Variants in FAAH2 observed in about 807,000 individuals in gnomAD.
FAAH2 encodes the protein fatty acid amide hydrolase 2, also known as fatty-acid amide hydrolase 2.
FAAH2 carries 60 observed loss-of-function variants against 36.9 expected under a neutral mutation model. That is an observed-to-expected ratio of 1.63 (90% CI 1.32 to 2.02). FAAH2 has a LOEUF of 2.02. FAAH2 is among the 30% of genes most tolerant of loss of function. The probability of loss-of-function intolerance (pLI) is 0.00; values close to 1 mark genes in which losing one functional copy is unlikely to be tolerated. For missense variants in FAAH2, 689 were observed against 397.5 expected, an observed-to-expected ratio of 1.73 and a Z score of -6.23; for synonymous variants, 214 against 143.8, an observed-to-expected ratio of 1.49 and a Z score of -3.49.
the FAAH2 span, among the ~76,000 whole-genome samples, chrX:57,168,446 A>T: frequency 8.9e-6 from 1 of 111,812 alleles, no homozygotes; most frequent in African/African-American, 3.3e-5. Context: ...ATCTGTACTT[A>T]TTTAAAGCTA....
At chrX:57,438,777 G>A (rs12861164) in intron 8 of FAAH2, among the ~76,000 whole-genome samples, 1 of 85,613 alleles carries the variant, frequency 1.2e-5, no homozygotes, top group South Asian at 6.4e-4. Context: ...ACAGTCCCCA[G>A]AGTGTGATGT....
At position 57,432,453 on chromosome X, in the gene FAAH2, G is replaced by A. The variant is rs746043188; in HGVS notation, c.1116+416G>A. On this transcript the variant is annotated intron_variant, in intron 8 of 10. Transcript: ENST00000374900. ...CATGTAGGTTTCAATAAAGCCTTAA[G>A]TGATTAGGTAACTTCAGTTGTCAAG... Among the ~76,000 whole-genome samples, 4 of 111,726 alleles carry A rather than the reference G, an allele frequency of 3.6e-5. No homozygotes were observed. In the East Asian group the frequency reaches 1.1e-3, roughly 31 times the overall value.
At chrX:57,486,181 C>G (rs758523193) in intron 10 of FAAH2, among the ~76,000 whole-genome samples, 1 of 112,079 alleles carries the variant, frequency 8.9e-6, no homozygotes, top group Non-Finnish European at 1.9e-5. Flanking sequence ...TGTGCTGGTG[C>G]TCTTAGGCTC....
At chrX:57,345,431 T>C (rs141530577) in intron 5 of FAAH2, among the ~76,000 whole-genome samples, 305 of 111,363 alleles carry the variant, frequency 2.7e-3, no homozygotes, top group African/African-American at 9.3e-3. Context: ...CATAGAGGTG[T>C]TCATAAAAAC....
At chrX:57,483,013 C>G in intron 10 of FAAH2, among the ~76,000 whole-genome samples, 1 of 110,339 alleles carries the variant, frequency 9.1e-6, no homozygotes, top group East Asian at 2.8e-4. Context: ...TAAATAATAT[C>G]TCACAGGTGT....
At chrX:57,150,236 G>A in the FAAH2 span, among the ~76,000 whole-genome samples, 2 of 112,082 alleles carry the variant, frequency 1.8e-5, no homozygotes, top group Non-Finnish European at 3.8e-5. Flanking sequence ...TGTATATTCT[G>A]TTGATTTGGG....
chrX:57,395,487 T>C, intron 7 of FAAH2: 1 of 426,419 alleles, frequency 2.3e-6, no homozygotes, highest in East Asian at 4.7e-5. Context: ...TTTAACCTTA[T>C]CCTCATTCAG....
chrX:57,203,791 G>A, the FAAH2 span, among the ~76,000 whole-genome samples: 1 of 112,005 alleles, frequency 8.9e-6, no homozygotes, highest in Non-Finnish European at 1.9e-5. Context: ...TTAAATATTT[G>A]TTCTTTTAAT....
chrX:57,263,897 T>C, the FAAH2 span, among the ~76,000 whole-genome samples: 1 of 111,722 alleles, frequency 9.0e-6, no homozygotes, highest in South Asian at 3.7e-4. Context: ...CACATATAGA[T>C]ATGCCAAATT....
At chrX:57,353,494 A>AAAAG (rs1555980721) in intron 5 of FAAH2, among the ~76,000 whole-genome samples, 1 of 106,613 alleles carries the variant, frequency 9.4e-6, no homozygotes, top group Admixed American at 1.0e-4. Context: ...TATTAAAAAA[A>AAAAG]AAAAAAGAAA....
At chrX:57,385,850 G>C (rs945167452) in intron 7 of FAAH2, among the ~76,000 whole-genome samples, 47 of 108,516 alleles carry the variant, frequency 4.3e-4, no homozygotes, top group East Asian at 2.9e-4. Context: ...GGAGCTTGCA[G>C]TGAGTGAAGA....
intron 7 of FAAH2, chrX:57,392,959 C>G (rs1215542437): frequency 1.1e-6 from 1 of 918,690 alleles, no homozygotes; most frequent in Non-Finnish European, 1.6e-6. Flanking sequence ...ATCTTCTGTG[C>G]AATGATCCTG....
chrX:57,175,861 T>C, the FAAH2 span, among the ~76,000 whole-genome samples: 3 of 112,092 alleles, frequency 2.7e-5, no homozygotes, highest in Non-Finnish European at 5.6e-5. Flanking sequence ...AATTCTCAGG[T>C]GACACTTATT....
chrX:57,385,336 G>A (rs976164744), intron 7 of FAAH2, among the ~76,000 whole-genome samples: 8 of 109,603 alleles, frequency 7.3e-5, no homozygotes, highest in African/African-American at 2.7e-4. Flanking sequence ...GGTAAAAGAT[G>A]GCTTTTATAT....
chrX:57,332,160 G>A (rs958262006), intron 4 of FAAH2, among the ~76,000 whole-genome samples: 6 of 112,585 alleles, frequency 5.3e-5, no homozygotes, highest in African/African-American at 1.9e-4. Context: ...ATGTGGGTTA[G>A]CAAAATATGA....
At chrX:57,416,650 G>T (rs1380632594) in intron 7 of FAAH2, among the ~76,000 whole-genome samples, 3 of 111,723 alleles carry the variant, frequency 2.7e-5, no homozygotes, top group African/African-American at 6.5e-5. Flanking sequence ...CTCTCTGGCT[G>T]CCCTTAACAT....
At chrX:57,259,116 T>C in the FAAH2 span, among the ~76,000 whole-genome samples, 1 of 111,455 alleles carries the variant, frequency 9.0e-6, no homozygotes, top group East Asian at 2.8e-4. Context: ...GGTGAAAATG[T>C]AGTGAAAACA....
the FAAH2 span, among the ~76,000 whole-genome samples, chrX:57,281,408 A>G: frequency 8.9e-6 from 1 of 111,933 alleles, no homozygotes; most frequent in Non-Finnish European, 1.9e-5. Flanking sequence ...TACTTTAAGC[A>G]CAAGTTTATA....
chrX:57,400,541 C>T (rs2055407329), intron 7 of FAAH2, among the ~76,000 whole-genome samples: 1 of 112,443 alleles, frequency 8.9e-6, no homozygotes, highest in African/African-American at 3.2e-5. Context: ...GTCCATCTTA[C>T]TAAATGGGTA....
Sources: gnomAD v4.1 joint callset for allele counts (sites outside exome capture counted in the v4.1 genomes callset) on GRCh38, gnomAD v4.1.1 for gene constraint, MANE v1.5 for transcripts, NCBI Gene and HGNC (gene_info 2026-07-23, HGNC 2026-07-21) for gene names.